ITGB8: variants seen among roughly 807,000 people sequenced by gnomAD.
ITGB8 encodes the protein integrin beta-8.
Under a neutral mutation model 89.5 loss-of-function variants are expected in ITGB8, and 30 were observed. That is an observed-to-expected ratio of 0.34 (90% confidence interval 0.25 to 0.45). ITGB8 has a LOEUF of 0.45. Ranked by LOEUF, ITGB8 falls within the 20% of genes least tolerant of loss-of-function variation. The pLI, the probability that ITGB8 is intolerant of heterozygous loss-of-function variation, is 1.00. For missense variants in ITGB8, 836 were observed against 933.3 expected, an observed-to-expected ratio of 0.90 and a Z score of 1.36; for synonymous variants, 335 against 320.4, an observed-to-expected ratio of 1.05 and a Z score of -0.49.
intron 1 of ITGB8, among the ~76,000 whole-genome samples, chr7:20,339,444 G>A (rs1215377720): frequency 6.6e-6 from 1 of 152,078 alleles, no homozygotes; most frequent in African/African-American, 2.4e-5. Context: ...AAAGTGTATT[G>A]AAAGTCAGAA....
Position 20,402,082 on chromosome 7 carries a change from A to G in ITGB8, c.1643A>G (p.Lys548Arg). 1 of 1,613,970 alleles carries G rather than the reference A, an allele frequency of 6.2e-7. No individual in the cohort carries two copies. The highest frequency in any genetic ancestry group is 8.5e-7 in the Non-Finnish European group (1 of 1,179,898). ...AAAGTGTATGGAAAATACTGTGAAA[A>G]GGATGACTTTTCTTGTCCATATCAC... ...LGKVYGKYCE[K>R]DDFSCPYHHG... is the part of the protein sequence containing the mutation. The change falls in exon 10 of 14, where the codon AAG becomes AGG. Residue 548 changes from lysine (K) to arginine (R), a missense_variant. Physicochemically the swap from Lys to Arg is conservative, Grantham distance 26 (BLOSUM62 2). Coordinates refer to ENST00000222573, the MANE Select transcript of ITGB8 (RefSeq NM_002214.3).
rs561258183 is a variant in ITGB8 at position 20,350,187 on chromosome 7, G to A, written c.128-13450G>A. Among the ~76,000 whole-genome samples, 67 of 152,266 alleles carry A rather than the reference G, an allele frequency of 4.4e-4. 1 individual carries two copies. Among genetic ancestry groups the A allele is most frequent in the East Asian group, 1.7e-3 (9 of 5,186 alleles). Reference sequence around the variant, plus strand: ...TTTGAGACGGAGTTTCACTCTTGTCGCCCAGGCTGGAGTGCAATGGCATGA... The same window carrying A: ...TTTGAGACGGAGTTTCACTCTTGTCACCCAGGCTGGAGTGCAATGGCATGA... On this transcript the variant is annotated intron_variant, in intron 1 of 13. Transcript: ENST00000222573.
At chr7:20,347,144 C>T (rs1784953738) in intron 1 of ITGB8, among the ~76,000 whole-genome samples, 1 of 152,198 alleles carries the variant, frequency 6.6e-6, no homozygotes, top group African/African-American at 2.4e-5. Context: ...CTGCCTTTGT[C>T]TTGGACTTGC....
rs1787871431 is a variant in ITGB8, at chr7:20,414,607, A to C, written c.*4610A>C. ...ATAAAAACAATCAGTGCTGTGAAAA[A>C]CAACTTTCTTCTAGAGTCCTCTTAC... is the stretch of plus-strand genomic sequence containing the variant. On this transcript the variant is annotated 3_prime_UTR_variant, in exon 14 of 14. Transcript: ENST00000222573. 1 of 152,518 alleles carries C rather than the reference A, an allele frequency of 6.6e-6. No individual in the cohort carries two copies. The highest frequency in any genetic ancestry group is 2.4e-5 in the African/African-American group (1 of 41,432). The allele number at this position is 152,518 out of a possible 1,614,324, so 9.4% of individuals were successfully genotyped here.
intron 3 of ITGB8, among the ~76,000 whole-genome samples, chr7:20,367,567 T>C (rs987782508): frequency 4.6e-5 from 7 of 152,192 alleles, no homozygotes; most frequent in African/African-American, 1.4e-4. Flanking sequence ...GTTAGCTTGA[T>C]TGATCCTTTT....
rs1784393857 is a variant in ITGB8 at position 20,331,552 on chromosome 7, G to A, written c.-255G>A. ...GTCGCCGCCGGGGCCCTTGGCCGTC[G>A]AAGGAGGTGCTTCTCGCGGAGACCG... On this transcript the variant is annotated 5_prime_UTR_variant, in exon 1 of 14. Coordinates refer to ENST00000222573, the MANE Select transcript of ITGB8 (RefSeq NM_002214.3). 3 of 448,084 alleles carry A rather than the reference G, an allele frequency of 6.7e-6. No individual in the cohort carries two copies. In the South Asian group the frequency reaches 1.9e-4, roughly 29 times the overall value. 27.8% of individuals were successfully genotyped at this position (448,084 alleles called of 1,614,324 possible).
At chr7:20,340,478 A>T (rs1784720872) in intron 1 of ITGB8, among the ~76,000 whole-genome samples, 1 of 152,150 alleles carries the variant, frequency 6.6e-6, no homozygotes, top group Non-Finnish European at 1.5e-5. Context: ...GGTATGTGAG[A>T]TGTGTGGTGG....
intron 1 of ITGB8, among the ~76,000 whole-genome samples, chr7:20,344,270 T>C (rs1351637817): frequency 6.8e-6 from 1 of 147,280 alleles, no homozygotes; most frequent in Non-Finnish European, 1.5e-5. Flanking sequence ...TTTCTAAAGA[T>C]TGATACTTAG....
Position 20,396,889 on chromosome 7 carries a change from C to T in ITGB8, c.1146+1904C>T, listed in dbSNP as rs550950081. Among the ~76,000 whole-genome samples the T allele has an allele frequency of 9.5e-4, 144 of 152,230 alleles. 1 individual carries two copies. In the Middle Eastern group the frequency reaches 0.017, roughly 18 times the overall value. ...TTAGTCCAGTGTAGTTCTCATCAAC[C>T]GTAAACAGTGGAAAAATAATATTAA... On this transcript the variant is annotated intron_variant, in intron 8 of 13. Transcript: ENST00000222573.
intron 1 of ITGB8, among the ~76,000 whole-genome samples, chr7:20,343,315 C>T (rs1469746832): frequency 6.6e-6 from 1 of 152,160 alleles, no homozygotes; most frequent in East Asian, 1.9e-4. Context: ...GGGAACCAGA[C>T]AGAATAAAGA....
chr7:20,408,807 G>C (rs940313202), intron 12 of ITGB8, among the ~76,000 whole-genome samples: 2 of 152,080 alleles, frequency 1.3e-5, no homozygotes, highest in African/African-American at 2.4e-5. Flanking sequence ...CAAAGATCTG[G>C]TGCTAAAATG....
chr7:20,366,077 T>C (rs1785684643), intron 2 of ITGB8: 1 of 152,190 alleles, frequency 6.6e-6, no homozygotes, highest in Non-Finnish European at 1.5e-5. Flanking sequence ...GCTTTCTCTT[T>C]CCTTCTACAC....
At chr7:20,346,239 G>C (rs1179981105) in intron 1 of ITGB8, among the ~76,000 whole-genome samples, 1 of 152,176 alleles carries the variant, frequency 6.6e-6, no homozygotes, top group Non-Finnish European at 1.5e-5. Flanking sequence ...CAAGTTCTCA[G>C]GGGAGAGCCA....
At chr7:20,357,709 G>A (rs1785346453) in intron 1 of ITGB8, among the ~76,000 whole-genome samples, 2 of 152,106 alleles carry the variant, frequency 1.3e-5, no homozygotes, top group South Asian at 4.1e-4. Context: ...GGAGAGTTTA[G>A]GTAACTAGCT....
At chr7:20,343,389 C>A (rs549098808) in intron 1 of ITGB8, among the ~76,000 whole-genome samples, 2 of 152,314 alleles carry the variant, frequency 1.3e-5, no homozygotes, top group Admixed American at 6.5e-5. Flanking sequence ...CCCTCCCACT[C>A]CCCCTTGAGG....
chr7:20,405,245 C>T (rs1787485690), intron 11 of ITGB8, among the ~76,000 whole-genome samples: 1 of 151,840 alleles, frequency 6.6e-6, no homozygotes, highest in Non-Finnish European at 1.5e-5. Context: ...TATAAAAAAA[C>T]TCACCTTTGT....
At chr7:20,339,131 G>A (rs1784669281) in intron 1 of ITGB8, among the ~76,000 whole-genome samples, 1 of 149,224 alleles carries the variant, frequency 6.7e-6, no homozygotes, top group Non-Finnish European at 1.5e-5. Context: ...GATGGAGGTT[G>A]CAGTGAGCCG....
intron 3 of ITGB8, among the ~76,000 whole-genome samples, chr7:20,375,994 G>A (rs1370507225): frequency 2.6e-5 from 4 of 152,122 alleles, no homozygotes; most frequent in Non-Finnish European, 5.9e-5. Context: ...GTGGGAGGGG[G>A]TTATTGTCAT....
intron 1 of ITGB8, among the ~76,000 whole-genome samples, chr7:20,347,630 A>G (rs1784972394): frequency 6.6e-6 from 1 of 152,254 alleles, no homozygotes; most frequent in Admixed American, 6.5e-5. Flanking sequence ...GGAATACATC[A>G]TTCAAGTCAG....
Sources: gnomAD v4.1 joint callset for allele counts (sites outside exome capture counted in the v4.1 genomes callset) on GRCh38, gnomAD v4.1.1 for gene constraint, MANE v1.5 for transcripts, NCBI Gene and HGNC (gene_info 2026-07-23, HGNC 2026-07-21) for gene names.